Variants in YLPM1 observed in about 807,000 individuals in gnomAD.
The protein encoded by YLPM1 is YLP motif-containing protein 1.
Under a neutral mutation model 230.0 loss-of-function variants are expected in YLPM1, and 99 were observed. The observed-to-expected ratio is 0.43, with a 90% CI of 0.37 to 0.51. YLPM1 has a LOEUF of 0.51. YLPM1 is among the 20% of genes least tolerant of loss of function. The pLI is 0.00. For missense variants in YLPM1, 2,592 were observed against 2,707.7 expected, an observed-to-expected ratio of 0.96 and a Z score of 0.95; for synonymous variants, 984 against 942.5, an observed-to-expected ratio of 1.04 and a Z score of -0.81.
At position 74,809,688 on chromosome 14, in the gene YLPM1, C is replaced by G. The variant is rs774004513; in HGVS notation, c.4830C>G (p.Pro1610=). The G allele has an allele frequency of 3.1e-6, 5 of 1,613,908 alleles. No individual in the cohort carries two copies. Among genetic ancestry groups the G allele is most frequent in the Non-Finnish European group, 8.5e-7 (1 of 1,179,894 alleles). Residue 1610 remains proline (P), a synonymous_variant, in exon 7 of 21, where the codon CCC becomes CCG. Coordinates refer to ENST00000325680, the MANE Select transcript of YLPM1 (RefSeq NM_019589.3). ...AAIPSAPVLP[P]PPVHSSIPPP... ...TTCCATCTGCTCCAGTATTACCACC[C>G]CCACCTGTTCACTCTTCCATTCCCC... is the stretch of plus-strand genomic sequence containing the variant.
At chr14:74,786,895 T>G (rs973861904) in intron 4 of YLPM1, among the ~76,000 whole-genome samples, 3 of 152,208 alleles carry the variant, frequency 2.0e-5, no homozygotes, top group South Asian at 2.1e-4. Flanking sequence ...CCAAAGTGGT[T>G]GTTTCAGTTT....
At chr14:74,829,191 C>T (rs540945626) in intron 18 of YLPM1, 22 bp from the exon 19 acceptor site, 5 of 1,611,828 alleles carry the variant, frequency 3.1e-6, no homozygotes, top group Middle Eastern at 1.7e-4. Flanking sequence ...CTTAATGCTA[C>T]GGCTCTGTGT....
intron 1 of YLPM1, among the ~76,000 whole-genome samples, chr14:74,774,259 G>A (rs1221194512): frequency 3.9e-5 from 6 of 152,056 alleles, no homozygotes; most frequent in Non-Finnish European, 8.8e-5. Context: ...TTCTTGTTTT[G>A]TTTTGTTTTC....
At chr14:74,790,523 C>T (rs1176710003) in intron 4 of YLPM1, among the ~76,000 whole-genome samples, 4 of 151,956 alleles carry the variant, frequency 2.6e-5, no homozygotes, top group African/African-American at 7.3e-5. Flanking sequence ...TAGGTTTTTA[C>T]ATTTTGGAGT....
chr14:74,834,465 G>C (rs926888803), intron 19 of YLPM1, among the ~76,000 whole-genome samples: 3 of 152,144 alleles, frequency 2.0e-5, no homozygotes, highest in African/African-American at 7.2e-5. Flanking sequence ...TTGATAGTCT[G>C]TTAGGGAAGA....
At chr14:74,816,476 G>C in intron 12 of YLPM1, 95 bp from the exon 13 acceptor site, 1 of 1,446,272 alleles carries the variant, frequency 6.9e-7, no homozygotes, top group Non-Finnish European at 9.3e-7. Context: ...ACCACCAGAA[G>C]ATTGTATATT....
At chr14:74,797,537 TCTGC>T (rs1447693087) in intron 4 of YLPM1, 39 bp from the exon 5 acceptor site, 2 of 1,396,556 alleles carry the variant, frequency 1.4e-6, no homozygotes, top group Non-Finnish European at 1.9e-6. Flanking sequence ...ATTTTTTTTT[TCTGC>T]TTTACTGTCT....
chr14:74,776,101 A>G (rs532897191), intron 1 of YLPM1, among the ~76,000 whole-genome samples: 8 of 152,242 alleles, frequency 5.3e-5, no homozygotes, highest in African/African-American at 1.7e-4. Context: ...GGGAAATTAT[A>G]TAATACTAGG....
chr14:74,775,869 A>C (rs1413580156), intron 1 of YLPM1, among the ~76,000 whole-genome samples: 1 of 152,148 alleles, frequency 6.6e-6, no homozygotes, highest in Non-Finnish European at 1.5e-5. Flanking sequence ...TTTTACTGTA[A>C]AGTACTGTTC....
chr14:74,829,014 T>A (rs1409420403), intron 18 of YLPM1, among the ~76,000 whole-genome samples, 199 bp from the exon 19 acceptor site: 1 of 152,208 alleles, frequency 6.6e-6, no homozygotes, highest in Non-Finnish European at 1.5e-5. Flanking sequence ...TGGCTACCAG[T>A]GTGAATACCA....
At chr14:74,800,642 A>G (rs1305081144) in intron 5 of YLPM1, among the ~76,000 whole-genome samples, 1 of 152,230 alleles carries the variant, frequency 6.6e-6, no homozygotes, top group Non-Finnish European at 1.5e-5. Flanking sequence ...AAACTTTAGA[A>G]CTAGGAAAGA....
At chr14:74,769,814 C>T (rs1027294334) in intron 1 of YLPM1, among the ~76,000 whole-genome samples, 21 of 148,770 alleles carry the variant, frequency 1.4e-4, no homozygotes, top group Non-Finnish European at 2.1e-4. Flanking sequence ...CATTAGAGGC[C>T]GGGAGTTCAA....
At chr14:74,821,292 T>C (rs2091518364) in intron 17 of YLPM1, 155 bp downstream of exon 17, 2 of 1,165,068 alleles carry the variant, frequency 1.7e-6, no homozygotes, top group Non-Finnish European at 2.3e-6. Flanking sequence ...TGGATACTCT[T>C]TATTTTTCCC....
intron 6 of YLPM1, among the ~76,000 whole-genome samples, chr14:74,807,300 CAA>C (rs1361768659): frequency 6.6e-6 from 1 of 151,762 alleles, no homozygotes; most frequent in African/African-American, 2.4e-5. Context: ...AAAACCAAAA[CAA>C]AACAAAAAAC....
At position 74,799,002 on chromosome 14, in the gene YLPM1, A is replaced by G. The variant is rs1455290675; in HGVS notation, c.3705A>G (p.Gln1235=). The G allele has an allele frequency of 9.3e-6, 15 of 1,613,986 alleles. No individual in the cohort carries two copies. The highest frequency in any genetic ancestry group is 1.3e-5 in the Non-Finnish European group (15 of 1,179,872). Residue 1235 remains glutamine (Q), a synonymous_variant, in exon 5 of 21, where the codon CAA becomes CAG. Transcript: ENST00000325680. The part of the protein sequence containing the change: ...RYWRECERDY[Q]DDTLELYNRE... ...GGAGAGAATGTGAACGTGACTATCA[A>G]GATGATACACTAGAGCTCTATAACA...
intron 4 of YLPM1, among the ~76,000 whole-genome samples, chr14:74,792,580 G>T (rs2287404): frequency 0.15 from 22,319 of 152,210 alleles, 1,785 homozygotes; most frequent in South Asian, 0.29. Flanking sequence ...AAATGTTTTT[G>T]CCAATGGCAT....
intron 18 of YLPM1, chr14:74,827,415 G>A: frequency 2.0e-6 from 2 of 985,336 alleles, no homozygotes; most frequent in African/African-American, 3.5e-5. Flanking sequence ...AGCCCAAGAA[G>A]GAAACTTTAA....
In YLPM1 at chr14:74,764,091, T is replaced by C. The variant is rs1449716366; in HGVS notation, c.602T>C (p.Leu201Pro). The part of the protein sequence containing the change: ...PSQSPPSQSY[L>P]APTPSYSSSS... Reference sequence around the variant, plus strand: ...CAGTCCCCACCTTCCCAATCCTACCTGGCGCCCACCCCTTCTTACTCATCC... The same window carrying C: ...CAGTCCCCACCTTCCCAATCCTACCCGGCGCCCACCCCTTCTTACTCATCC... The change falls in exon 1 of 21, where the codon CTG becomes CCG. Residue 201 changes from leucine (L) to proline (P), a missense_variant. By Grantham distance (98) the Leu-to-Pro change is moderately conservative. Transcript: ENST00000325680. 6.2e-7 allele frequency: 1 copy of C among 1,612,032 alleles called. No individual in the cohort carries two copies. Among genetic ancestry groups the C allele is most frequent in the South Asian group, 1.1e-5 (1 of 90,960 alleles).
chr14:74,783,284 G>A (rs987053017), intron 4 of YLPM1, among the ~76,000 whole-genome samples: 2 of 152,048 alleles, frequency 1.3e-5, no homozygotes, highest in South Asian at 2.1e-4. Flanking sequence ...GACCAGGCTG[G>A]TCTCAAACTC....
Sources: allele counts gnomAD v4.1 joint callset (sites outside exome capture counted in the v4.1 genomes callset), GRCh38; gene constraint gnomAD v4.1.1; transcripts MANE v1.5; gene names NCBI Gene and HGNC (gene_info 2026-07-23, HGNC 2026-07-21).